The following SMN2 variants were observed in gnomAD, a reference collection of about 807,000 sequenced individuals.
The protein encoded by SMN2 is survival of motor neuron 2, centromeric, also known as survival motor neuron protein.
A neutral mutation model predicts 2.8 loss-of-function variants in SMN2; 1 was observed. That is an observed-to-expected ratio of 0.35 (90% confidence interval 0.13 to 1.68). The LOEUF is 1.68. Ranked by LOEUF, SMN2 falls within the 40% of genes most tolerant of loss-of-function variation. SMN2 has a pLI of 0.35. For synonymous variants in SMN2, 5 were observed against 5.0 expected, an observed-to-expected ratio of 0.99 and a Z score of 0.01; for missense variants, 12 against 16.9, an observed-to-expected ratio of 0.71 and a Z score of 0.51.
chr5:70,084,504 C>T, the SMN2 span, among the ~76,000 whole-genome samples: 86 of 130,394 alleles, frequency 6.6e-4, no homozygotes, highest in Middle Eastern at 7.2e-3. Context: ...AAATTTTAAA[C>T]AAAAGTTTGC....
chr5:70,081,914 TGA>T (rs1410186488), downstream of SMN2, among the ~76,000 whole-genome samples: 1 of 83,296 alleles, frequency 1.2e-5, no homozygotes, highest in Non-Finnish European at 2.2e-5. Flanking sequence ...ATAGGAGTGG[TGA>T]GAGAGGGCAT....
chr5:70,075,219 GTT>G (rs35556693), intron 7 of SMN2, among the ~76,000 whole-genome samples: 1 of 66,648 alleles, frequency 1.5e-5, no homozygotes. Flanking sequence ...TTTGTTTTTT[GTT>G]TTTTTTTTTT....
chr5:70,083,532 G>C, the SMN2 span, among the ~76,000 whole-genome samples: 1 of 136,106 alleles, frequency 7.3e-6, no homozygotes, highest in Non-Finnish European at 1.5e-5. Context: ...ATTCACAATA[G>C]CAAAGACTTG....
intron 7 of SMN2, among the ~76,000 whole-genome samples, chr5:70,075,757 T>A (rs1319003828): frequency 8.3e-6 from 1 of 121,050 alleles, no homozygotes; most frequent in Non-Finnish European, 1.7e-5. Context: ...CACTGCAGCC[T>A]TGACCTCCAG....
chr5:70,085,239 CTATT>C, the SMN2 span, among the ~76,000 whole-genome samples: 4 of 120,224 alleles, frequency 3.3e-5, 2 homozygotes, highest in African/African-American at 7.7e-5. Flanking sequence ...TGAGTCATCA[CTATT>C]TATTATTATA....
chr5:70,052,185 C>T (rs1396089928), intron 1 of SMN2, among the ~76,000 whole-genome samples: 1 of 139,124 alleles, frequency 7.2e-6, no homozygotes, highest in Non-Finnish European at 1.6e-5. Flanking sequence ...AGTGAGACTT[C>T]ACCTCAAAAA....
At chr5:70,088,446 T>C in the SMN2 span, among the ~76,000 whole-genome samples, 1 of 89,374 alleles carries the variant, frequency 1.1e-5, no homozygotes, top group African/African-American at 5.6e-5. Flanking sequence ...TTTTTTTTTT[T>C]TTTTTTTTTG....
chr5:70,076,589 A>G lies in SMN2; in HGVS notation c.*3+15A>G, dbSNP rs372142764. ...TAAATTAAGGAGTAAGTCTGCCAGC[A>G]TTATGAAAGTGAATCTTACTTTTGT... On this transcript the variant is annotated intron_variant, in intron 8 of 8. Coordinates refer to ENST00000380743, the MANE Select transcript of SMN2 (RefSeq NM_017411.4). The G allele has an allele frequency of 3.3e-5, 47 of 1,443,762 alleles. 10 individuals are homozygous for G. In the Middle Eastern group the frequency reaches 7.1e-4, roughly 22 times the overall value. 89.4% of individuals were successfully genotyped at this position (1,443,762 alleles called of 1,614,324 possible).
downstream of SMN2, among the ~76,000 whole-genome samples, chr5:70,080,285 C>T (rs1399977003): frequency 5.9e-5 from 8 of 136,162 alleles, 1 homozygote; most frequent in South Asian, 4.6e-4. Flanking sequence ...GAGCCAAGAT[C>T]GTGCCACTAC....
At chr5:70,075,024 A>G (rs1774702833) in intron 7 of SMN2, among the ~76,000 whole-genome samples, 1 of 124,962 alleles carries the variant, frequency 8.0e-6, no homozygotes, top group Admixed American at 8.1e-5. Context: ...ATTTTTTTAA[A>G]TTAATTAGTT....
At chr5:70,075,664 A>AT (rs1774729034) in intron 7 of SMN2, among the ~76,000 whole-genome samples, 1 of 120,134 alleles carries the variant, frequency 8.3e-6, no homozygotes, top group Admixed American at 8.4e-5. Flanking sequence ...ATGTTTTTAA[A>AT]TTTTTTACAT....
intron 7 of SMN2, among the ~76,000 whole-genome samples, chr5:70,074,916 G>T (rs1176653450): frequency 1.1e-3 from 124 of 115,940 alleles, no homozygotes; most frequent in Middle Eastern, 5.1e-3. Flanking sequence ...TGCTTGAACC[G>T]AGAAGGCGGA....
chr5:70,072,793 A>AG (rs1774651348), intron 7 of SMN2, among the ~76,000 whole-genome samples: 1 of 106,134 alleles, frequency 9.4e-6, no homozygotes, highest in Non-Finnish European at 2.0e-5. Flanking sequence ...AACTTTCTTG[A>AG]GAAATAATTC....
intron 7 of SMN2, among the ~76,000 whole-genome samples, chr5:70,075,212 G>GT (rs1431135180): frequency 1.3e-5 from 1 of 75,326 alleles, no homozygotes; most frequent in African/African-American, 6.5e-5. Context: ...GTTTTGTTTT[G>GT]TTTTTTGTTT....
At chr5:70,083,874 G>A in the SMN2 span, among the ~76,000 whole-genome samples, 10 of 130,172 alleles carry the variant, frequency 7.7e-5, 2 homozygotes, top group Admixed American at 7.6e-4. Flanking sequence ...AATTGGTGCA[G>A]CACACCAGCA....
downstream of SMN2, among the ~76,000 whole-genome samples, chr5:70,080,157 C>A (rs1311296251): frequency 8.4e-6 from 1 of 118,358 alleles, no homozygotes; most frequent in East Asian, 2.5e-4. Context: ...GAAACCCCAT[C>A]TCTACTAAAA....
rs1480180849 is a variant in SMN2 at position 70,076,532 on chromosome 5, A to G, written c.846A>G (p.Gln282=). ...YHTGYYMGFR[Q]NQKEGRCSHS... ...TATTTTCCTTACAGGGTTTTAGACA[A>G]AATCAAAAAGAAGGAAGGTGCTCAC... Residue 282 remains glutamine, a synonymous_variant, in exon 8 of 9, where the codon CAA becomes CAG. Coordinates refer to ENST00000380743, the MANE Select transcript of SMN2 (RefSeq NM_017411.4). 6.8e-7 allele frequency: 1 copy of G among 1,464,586 alleles called. No homozygotes were observed. Among genetic ancestry groups the G allele is most frequent in the African/African-American group, 1.8e-5 (1 of 56,494 alleles). 90.7% of individuals were successfully genotyped at this position (1,464,586 alleles called of 1,614,324 possible). A position where few individuals can be genotyped will look rare whatever the true frequency, so the allele number is the denominator to read the frequency against.
At chr5:70,053,279 C>T (rs1174691663) in intron 1 of SMN2, among the ~76,000 whole-genome samples, 14 of 2,188 alleles carry the variant, frequency 6.4e-3, no homozygotes, top group African/African-American at 0.022. Context: ...CTTCACATGG[C>T]CAGCAGGAGA....
At position 70,052,542 on chromosome 5, in the gene SMN2, TAAAAAAA is replaced by T. The variant is rs1319920885; in HGVS notation, c.81+2789_81+2795del. ...GGCAACAAGAGCAAAACTTTGTCTT[TAAAAAAA>T]AAAAAAAAAAAAGAATACAAAAATT... On this transcript the variant is annotated intron_variant, in intron 1 of 8. Coordinates refer to ENST00000380743, the MANE Select transcript of SMN2 (RefSeq NM_017411.4). 1.9e-4 allele frequency among the ~76,000 whole-genome samples: 3 copies of T among 16,182 alleles called. No individual in the cohort carries two copies. The South Asian group carries it at 3.7e-3, about 20-fold the overall frequency. 10.6% of individuals were successfully genotyped at this position (16,182 alleles called of 152,430 possible).
Sources: allele counts gnomAD v4.1 joint callset (sites outside exome capture counted in the v4.1 genomes callset), GRCh38; gene constraint gnomAD v4.1.1; transcripts MANE v1.5; gene names NCBI Gene and HGNC (gene_info 2026-07-23, HGNC 2026-07-21).